Variants in RBM18 observed in about 807,000 individuals in gnomAD.
The protein encoded by RBM18 is probable RNA-binding protein 18.
A neutral mutation model predicts 26.4 loss-of-function variants in RBM18; 18 were observed. The ratio of observed to expected loss-of-function variants is 0.68; its 90% CI spans 0.47 to 1.01. The LOEUF (loss-of-function observed/expected upper bound fraction) is 1.01, where lower values mean the gene tolerates loss of function less well. Ranked by LOEUF, RBM18 falls within the 50% of genes least tolerant of loss-of-function variation. RBM18 has a pLI of 0.00. For missense variants in RBM18, 180 were observed against 219.2 expected (o/e 0.82, Z 1.13); for synonymous variants, 74 against 81.1 (o/e 0.91, Z 0.47).
chr9:122,253,756 T>C (rs1193784925), intron 2 of RBM18, among the ~76,000 whole-genome samples: 1 of 149,402 alleles, frequency 6.7e-6, no homozygotes, highest in Non-Finnish European at 1.5e-5. Context: ...CCAGGCGCAG[T>C]GGCTCACGCC....
At chr9:122,242,446 T>C (rs1831436228) in intron 5 of RBM18, among the ~76,000 whole-genome samples, 1 of 152,244 alleles carries the variant, frequency 6.6e-6, no homozygotes, top group African/African-American at 2.4e-5. Context: ...GAAAGGTTCA[T>C]TTGCCCAATG....
chr9:122,261,531 G>A, intron 1 of RBM18, 23 bp from the exon 2 acceptor site: 2 of 1,396,204 alleles, frequency 1.4e-6, no homozygotes, highest in Non-Finnish European at 2.0e-6. Flanking sequence ...TGAACATTCA[G>A]GCAGGAGGGG....
chr9:122,264,648 G>C (rs1212139936), intron 1 of RBM18, 67 bp downstream of exon 1: 1 of 152,334 alleles, frequency 6.6e-6, no homozygotes, highest in Non-Finnish European at 1.5e-5. Flanking sequence ...CTGCGAGGGC[G>C]GCCTCCTGTA....
Position 122,238,709 on chromosome 9 carries a change from A to G in RBM18, c.*3175T>C, listed in dbSNP as rs1411230407. On this transcript the variant is annotated 3_prime_UTR_variant, in exon 6 of 6. Coordinates refer to ENST00000417201, the MANE Select transcript of RBM18 (RefSeq NM_033117.4). The stretch of plus-strand genomic sequence containing the variant: ...TTCAATTTTTTCTAGGCTGTGATGG[A>G]AAGCCACAAAGAAGAGAATCACATT... 1 of 152,230 alleles carries G rather than the reference A, an allele frequency of 6.6e-6. No homozygotes were observed. The highest frequency in any genetic ancestry group is 6.5e-5 in the Admixed American group (1 of 15,268). 9.4% of individuals were successfully genotyped at this position (152,230 alleles called of 1,614,324 possible).
chr9:122,239,966 AG>A lies in RBM18; in HGVS notation c.*1917del, dbSNP rs929362118. Reference sequence around the variant, plus strand: ...GGAAACAAGCCTGTCAGAGAACTGCAGTCTATGCCAGTAAGTGAACGAGAGA... The same window carrying A: ...GGAAACAAGCCTGTCAGAGAACTGCATCTATGCCAGTAAGTGAACGAGAGA... On this transcript the variant is annotated 3_prime_UTR_variant, in exon 6 of 6. Transcript: ENST00000417201. 3 of 152,264 alleles carry A rather than the reference AG, an allele frequency of 2.0e-5. No individual in the cohort carries two copies. The highest frequency in any genetic ancestry group is 7.2e-5 in the African/African-American group (3 of 41,462). The allele number at this position is 152,264 out of a possible 1,614,324, so 9.4% of individuals were successfully genotyped here. A position where few individuals can be genotyped will look rare whatever the true frequency, so the allele number is the denominator to read the frequency against.
At chr9:122,249,202 T>C (rs959039185) in intron 3 of RBM18, among the ~76,000 whole-genome samples, 1 of 152,210 alleles carries the variant, frequency 6.6e-6, no homozygotes, top group African/African-American at 2.4e-5. Context: ...ACTTTTTTTT[T>C]ATACTTTCAT....
intron 2 of RBM18, among the ~76,000 whole-genome samples, chr9:122,259,382 T>C (rs1366623153): frequency 1.3e-5 from 2 of 152,272 alleles, no homozygotes; most frequent in South Asian, 2.1e-4. Flanking sequence ...AAAAATTTCT[T>C]TGATGAAGAG....
intron 1 of RBM18, among the ~76,000 whole-genome samples, chr9:122,262,912 A>C (rs1831833114): frequency 6.6e-6 from 1 of 152,058 alleles, no homozygotes; most frequent in African/African-American, 2.4e-5. Context: ...ACTGGAAGTT[A>C]TTTCTTTCTG....
chr9:122,253,351 A>C (rs1330462442), intron 2 of RBM18, among the ~76,000 whole-genome samples: 1 of 152,202 alleles, frequency 6.6e-6, no homozygotes, highest in Non-Finnish European at 1.5e-5. Context: ...GACATAATAC[A>C]GGTTTAGTAC....
intron 3 of RBM18, among the ~76,000 whole-genome samples, chr9:122,250,649 G>C (rs1470347423): frequency 6.6e-6 from 1 of 152,096 alleles, no homozygotes; most frequent in Admixed American, 6.6e-5. Context: ...TGATTAAATG[G>C]TAGAAAAATT....
In RBM18 at chr9:122,239,221, T is replaced by G. The variant is rs1298356245; in HGVS notation, c.*2663A>C. ...CAACTGATTTTTGACCTGTTTTGTT[T>G]TTGTTTTTTTTGAGACGGTGTCTCA... is the stretch of plus-strand genomic sequence containing the variant. On this transcript the variant is annotated 3_prime_UTR_variant, in exon 6 of 6. Coordinates refer to ENST00000417201, the MANE Select transcript of RBM18 (RefSeq NM_033117.4). The G allele has an allele frequency of 2.4e-4, 27 of 113,168 alleles. No homozygotes were observed. Among genetic ancestry groups the G allele is most frequent in the Admixed American group, 2.0e-3 (21 of 10,368 alleles). 7.0% of individuals were successfully genotyped at this position (113,168 alleles called of 1,614,324 possible).
In RBM18 at chr9:122,240,484, T is replaced by C. The variant is rs907413085; in HGVS notation, c.*1400A>G. 2.0e-5 allele frequency: 3 copies of C among 152,368 alleles called. No homozygotes were observed. The highest frequency in any genetic ancestry group is 2.9e-5 in the Non-Finnish European group (2 of 68,030). 9.4% of individuals were successfully genotyped at this position (152,368 alleles called of 1,614,324 possible). A position where few individuals can be genotyped will look rare whatever the true frequency, so the allele number is the denominator to read the frequency against. On this transcript the variant is annotated 3_prime_UTR_variant, in exon 6 of 6. Coordinates refer to ENST00000417201, the MANE Select transcript of RBM18 (RefSeq NM_033117.4). ...AATGTCTTAAATTCATTTATACTCA[T>C]GGGAAGATGTTAAGTTCCTATATTG... is the stretch of plus-strand genomic sequence containing the variant.
chr9:122,251,369 T>A (rs1831603013), intron 3 of RBM18, among the ~76,000 whole-genome samples: 1 of 152,184 alleles, frequency 6.6e-6, no homozygotes, highest in Admixed American at 6.5e-5. Flanking sequence ...TATATCATGG[T>A]TGAAGGTGAA....
intron 4 of RBM18, 85 bp from the exon 5 acceptor site, chr9:122,245,426 T>A: frequency 1.3e-6 from 1 of 773,366 alleles, no homozygotes; most frequent in Admixed American, 1.9e-5. Context: ...ACTAATACCA[T>A]CAGTATATCA....
chr9:122,260,555 A>G (rs992617843), intron 2 of RBM18, among the ~76,000 whole-genome samples: 10 of 152,090 alleles, frequency 6.6e-5, no homozygotes, highest in Non-Finnish European at 1.2e-4. Flanking sequence ...AGTCAGGGCA[A>G]TTCAATCAAT....
At chr9:122,258,002 C>T (rs1831725226) in intron 2 of RBM18, among the ~76,000 whole-genome samples, 1 of 152,132 alleles carries the variant, frequency 6.6e-6, no homozygotes, top group Admixed American at 6.5e-5. Flanking sequence ...AGACAGGTAC[C>T]ATATATTCAC....
rs58250986 is a variant in RBM18, at chr9:122,238,240, T to G, written c.*3644A>C. 5.1e-3 allele frequency: 772 copies of G among 152,350 alleles called. 11 individuals carry two copies. Among genetic ancestry groups the G allele is most frequent in the African/African-American group, 0.018 (742 of 41,564 alleles). 9.4% of individuals were successfully genotyped at this position (152,350 alleles called of 1,614,324 possible). On this transcript the variant is annotated 3_prime_UTR_variant, in exon 6 of 6. Coordinates refer to ENST00000417201, the MANE Select transcript of RBM18 (RefSeq NM_033117.4). ...ACAAATATTTATTGAGTATGTATGA[T>G]GTACAGCCATTGTTTTAAATGCTGA... is the stretch of plus-strand genomic sequence containing the variant.
rs202092943 is a variant in RBM18, at chr9:122,247,513, C to T, written c.327+5G>A. On this transcript the variant is annotated splice_donor_5th_base_variant and intron_variant, in intron 4 of 5. Coordinates refer to ENST00000417201, the MANE Select transcript of RBM18 (RefSeq NM_033117.4). The stretch of plus-strand genomic sequence containing the variant: ...CTTGATGTCTTTCTAGCCTCTCAGA[C>T]GTACCTTTACTTGAGCATGTGCCCA... 7.3e-4 allele frequency: 1,170 copies of T among 1,613,040 alleles called. 2 individuals carry two copies. Among genetic ancestry groups the T allele is most frequent in the Middle Eastern group, 2.0e-3 (12 of 6,048 alleles).
At chr9:122,247,909 C>T (rs1301794148) in intron 3 of RBM18, among the ~76,000 whole-genome samples, 1 of 151,716 alleles carries the variant, frequency 6.6e-6, no homozygotes, top group Non-Finnish European at 1.5e-5. Context: ...CTCAGCCTCC[C>T]GAATAGCTGG....
Sources: allele counts gnomAD v4.1 joint callset (sites outside exome capture counted in the v4.1 genomes callset), GRCh38; gene constraint gnomAD v4.1.1; transcripts MANE v1.5; gene names NCBI Gene and HGNC (gene_info 2026-07-23, HGNC 2026-07-21).